Variants in ATP1A2 observed in about 807,000 individuals in gnomAD.
ATP1A2 encodes ATPase Na+/K+ transporting subunit alpha 2, also known as sodium/potassium-transporting ATPase subunit alpha-2.
ATP1A2 carries 56 observed loss-of-function variants against 113.1 expected under a neutral mutation model. That is an observed-to-expected ratio of 0.49 (90% CI 0.40 to 0.62). ATP1A2 has a LOEUF of 0.62. Ranked by LOEUF, ATP1A2 falls within the 20% of genes least tolerant of loss-of-function variation. The pLI, the probability that ATP1A2 is intolerant of heterozygous loss-of-function variation, is 0.00. For synonymous variants in ATP1A2, 490 were observed against 526.8 expected (o/e 0.93, Z 0.96); for missense variants, 712 against 1,357.8 (o/e 0.52, Z 7.47).
At chr1:160,132,738 A>G (rs1651809698) in intron 13 of ATP1A2, among the ~76,000 whole-genome samples, 1 of 152,164 alleles carries the variant, frequency 6.6e-6, no homozygotes, top group Non-Finnish European at 1.5e-5. Flanking sequence ...GTTCCAGTGA[A>G]CATTGGAGTA....
intron 8 of ATP1A2, 106 bp from the exon 9 acceptor site, chr1:160,128,546 G>A: frequency 6.3e-7 from 1 of 1,576,464 alleles, no homozygotes; most frequent in Non-Finnish European, 8.6e-7. Flanking sequence ...ATTCAAGTTA[G>A]TGGAGTAGAA....
chr1:160,137,369 C>T (rs575779803), intron 20 of ATP1A2, among the ~76,000 whole-genome samples: 20 of 152,206 alleles, frequency 1.3e-4, no homozygotes, highest in Middle Eastern at 3.4e-3. Context: ...CCTGGCCTTC[C>T]GCAGGCAGTC....
rs766753090 is a variant in ATP1A2, at chr1:160,128,904, G to C, written c.1216+54G>C. On this transcript the variant is annotated intron_variant, in intron 9 of 22. Transcript: ENST00000361216. ...AGGATTAGAGGAGGCTGAGGGCAGTGGCGTGGTGGGGTGAGTGGTTGAGAT... is the reference window on the plus strand; with the variant it reads ...AGGATTAGAGGAGGCTGAGGGCAGTCGCGTGGTGGGGTGAGTGGTTGAGAT... 17 of 1,608,750 alleles carry C rather than the reference G, an allele frequency of 1.1e-5. No homozygotes were observed. In the Admixed American group the frequency reaches 2.4e-4, roughly 23 times the overall value.
At chr1:160,138,695 G>A (rs1652031758) in intron 20 of ATP1A2, among the ~76,000 whole-genome samples, 1 of 152,158 alleles carries the variant, frequency 6.6e-6, no homozygotes, top group African/African-American at 2.4e-5. Context: ...ATAAAAATTA[G>A]CAGGGCGTGG....
Position 160,141,799 on chromosome 1 carries a change from C to T in ATP1A2, c.*477C>T, listed in dbSNP as rs759744175. 1 of 199,808 alleles carries T rather than the reference C, an allele frequency of 5.0e-6. No homozygotes were observed. 12.4% of individuals were successfully genotyped at this position (199,808 alleles called of 1,614,324 possible). On this transcript the variant is annotated 3_prime_UTR_variant, in exon 23 of 23. Transcript: ENST00000361216. ...TCCCTGGCTTCCCCTTCAGACCTTG[C>T]AATCACAAAAGGTTCTTCTGGTGAG...
chr1:160,120,961 A>G lies in ATP1A2; in HGVS notation c.68A>G (p.Lys23Arg), dbSNP rs1192524870. The G allele has an allele frequency of 5.0e-6, 8 of 1,613,018 alleles. No homozygotes were observed. Among genetic ancestry groups the G allele is most frequent in the South Asian group, 1.1e-5 (1 of 90,916 alleles). ...ATTAENGGGKKKQKEKELDEL... is the reference protein window; with the variant it reads ...ATTAENGGGKRKQKEKELDEL... The stretch of plus-strand genomic sequence containing the variant: ...ACGGCAGAGAATGGGGGCGGCAAGA[A>G]GAAACAGAAGGAGAAGGAACTGGAT... Residue 23 changes from lysine to arginine, a missense_variant, in exon 2 of 23, where the codon AAG (lysine) becomes AGG (arginine). Lys to Arg is a conservative substitution (Grantham distance 26, BLOSUM62 2). This residue lies in a region of ATP1A2 where 109 missense variants were observed against 162.3 expected (regional missense o/e 0.67). Coordinates refer to ENST00000361216, the MANE Select transcript of ATP1A2 (RefSeq NM_000702.4).
chr1:160,132,230 G>A (rs375833368), intron 13 of ATP1A2, among the ~76,000 whole-genome samples: 1 of 152,128 alleles, frequency 6.6e-6, no homozygotes, highest in South Asian at 2.1e-4. Flanking sequence ...GGTTGGCAGG[G>A]GAGAGGTGGC....
At chr1:160,129,151 C>T in intron 10 of ATP1A2, 62 bp downstream of exon 10, 1 of 1,607,950 alleles carries the variant, frequency 6.2e-7, no homozygotes, top group Non-Finnish European at 8.5e-7. Flanking sequence ...TCTTGCTGGC[C>T]CCAGCTTTCC....
In ATP1A2 at chr1:160,127,557, G is replaced by GC; in HGVS notation, c.756dup (p.Arg253GlnfsTer35). The GC allele has an allele frequency of 6.2e-7, 1 of 1,614,224 alleles. No homozygotes were observed. The highest frequency in any genetic ancestry group is 1.1e-5 in the South Asian group (1 of 91,084). ...GATGCCCCACCATGTTGCAGGCACTGCCAGGGGCATTGTGATTGCCACAGG... is the reference window on the plus strand; with the variant it reads ...GATGCCCCACCATGTTGCAGGCACTGCCCAGGGGCATTGTGATTGCCACAGG... On this transcript the variant is annotated frameshift_variant, in exon 8 of 23. Transcript: ENST00000361216. LOFTEE classifies it high-confidence loss of function.
At chr1:160,136,090 G>A in intron 17 of ATP1A2, 97 bp downstream of exon 17, 1 of 1,606,462 alleles carries the variant, frequency 6.2e-7, no homozygotes, top group South Asian at 1.1e-5. Context: ...CCAGCTGTGG[G>A]GGTTACAGGA....
chr1:160,123,745 C>T (rs1651496346), intron 4 of ATP1A2, among the ~76,000 whole-genome samples, 198 bp from the exon 5 acceptor site: 1 of 152,250 alleles, frequency 6.6e-6, no homozygotes, highest in African/African-American at 2.4e-5. Context: ...CCTCCCATTT[C>T]TAGTCTTAAC....
Position 160,128,982 on chromosome 1 carries a change from G to A in ATP1A2, c.1219G>A (p.Ala407Thr), listed in dbSNP as rs1289921117. The change falls in exon 10 of 23, where the codon GCC (alanine) becomes ACC (threonine). Residue 407 changes from alanine to threonine, a missense_variant and splice_region_variant. Physicochemically the swap from Ala to Thr is moderately conservative, Grantham distance 58. Around this residue, in one of 6 missense-constraint regions of ATP1A2, gnomAD observed 263 missense variants for 380.6 expected, o/e 0.69. Coordinates refer to ENST00000361216, the MANE Select transcript of ATP1A2 (RefSeq NM_000702.4). ...EADTTEDQSG[A>T]TFDKRSPTWT... ...GGTTCCCCCTCATTTCCTCCCAGGG[G>A]CCACTTTTGACAAACGATCCCCTAC... 3 of 1,602,744 alleles carry A rather than the reference G, an allele frequency of 1.9e-6. No homozygotes were observed. Among genetic ancestry groups the A allele is most frequent in the Non-Finnish European group, 2.6e-6 (3 of 1,173,868 alleles).
chr1:160,131,588 G>A (rs906976559), intron 13 of ATP1A2, among the ~76,000 whole-genome samples: 1 of 152,080 alleles, frequency 6.6e-6, no homozygotes, highest in Non-Finnish European at 1.5e-5. Flanking sequence ...CTTTGGGGGG[G>A]TCCAAGGCTG....
rs762292186 is a variant in ATP1A2, at chr1:160,141,371, T to A, written c.*49T>A. On this transcript the variant is annotated 3_prime_UTR_variant, in exon 23 of 23. Transcript: ENST00000361216. ...ATGGAAAGATGGGGAGCTCTGGAGG[T>A]GTTGTGGGGATGGTGATGGAGAGGG... 6.8e-6 allele frequency: 11 copies of A among 1,607,802 alleles called. No individual in the cohort carries two copies. The Admixed American group carries it at 1.3e-4, about 20-fold the overall frequency.
At chr1:160,123,796 G>T in intron 4 of ATP1A2, 147 bp from the exon 5 acceptor site, 1 of 781,628 alleles carries the variant, frequency 1.3e-6, no homozygotes, top group Admixed American at 2.0e-5. Context: ...TTAGTGAGAA[G>T]GGCTTTCCCC....
At chr1:160,117,777 TGGGA>T (rs1255745853) in intron 1 of ATP1A2, among the ~76,000 whole-genome samples, 1 of 151,964 alleles carries the variant, frequency 6.6e-6, no homozygotes, top group Non-Finnish European at 1.5e-5. Flanking sequence ...ACGACACTGG[TGGGA>T]GGGAGCCCAG....
chr1:160,134,022 C>A (rs1651843727), intron 13 of ATP1A2, among the ~76,000 whole-genome samples: 1 of 151,638 alleles, frequency 6.6e-6, no homozygotes, highest in East Asian at 1.9e-4. Context: ...CAAATCCCCA[C>A]CTCACATACA....
chr1:160,136,653 A>C lies in ATP1A2; in HGVS notation c.2647A>C (p.Ile883Leu). ...NGFLPSRLLG[I>L]RLDWDDRTMN... ...TTTCCTGCCATCACGGCTACTGGGA[A>C]TCCGCCTCGACTGGGATGACCGGAC... is the stretch of plus-strand genomic sequence containing the variant. Residue 883 changes from isoleucine (I) to leucine (L), a missense_variant, in exon 19 of 23, where the codon ATC becomes CTC. Transcript: ENST00000361216. 33 of 1,614,236 alleles carry C rather than the reference A, an allele frequency of 2.0e-5. No homozygotes were observed. Among genetic ancestry groups the C allele is most frequent in the Non-Finnish European group, 2.8e-5 (33 of 1,180,044 alleles).
intron 13 of ATP1A2, among the ~76,000 whole-genome samples, chr1:160,134,148 CCA>C (rs762466784): frequency 7.1e-4 from 101 of 142,778 alleles, no homozygotes; most frequent in African/African-American, 1.8e-3. Flanking sequence ...CACACATACC[CCA>C]CACACACACA....
Sources: gnomAD v4.1 joint callset for allele counts (sites outside exome capture counted in the v4.1 genomes callset) on GRCh38, gnomAD v4.1.1 for gene constraint, gnomAD v4.1.1 regional missense constraint, MANE v1.5 for transcripts, NCBI Gene and HGNC (gene_info 2026-07-23, HGNC 2026-07-21) for gene names.